Variants in MMAA observed in about 807,000 individuals in gnomAD.
The protein encoded by MMAA is methylmalonic aciduria type A protein, mitochondrial.
MMAA carries 41 observed loss-of-function variants against 45.0 expected under a neutral mutation model. The ratio of observed to expected loss-of-function variants is 0.91; its 90% confidence interval spans 0.71 to 1.18. MMAA has a LOEUF of 1.18. Ranked by LOEUF, MMAA falls within the 50% of genes most tolerant of loss-of-function variation. MMAA has a pLI of 0.00. For missense variants in MMAA, 460 were observed against 495.7 expected (o/e 0.93, Z 0.68); for synonymous variants, 154 against 178.2 (o/e 0.86, Z 1.08).
chr4:145,637,710 A>G (rs1340927290), intron 1 of MMAA, among the ~76,000 whole-genome samples: 1 of 152,244 alleles, frequency 6.6e-6, no homozygotes, highest in African/African-American at 2.4e-5. Flanking sequence ...GGTGAGTTAT[A>G]TATAACTGTA....
intron 3 of MMAA, among the ~76,000 whole-genome samples, chr4:145,644,639 A>G (rs952330878): frequency 2.0e-5 from 3 of 152,238 alleles, no homozygotes; most frequent in East Asian, 1.9e-4. Flanking sequence ...TTATACTACA[A>G]TGAAAACAAA....
At position 145,656,399 on chromosome 4, in the gene MMAA, C is replaced by A. The variant is rs1233482437; in HGVS notation, c.*965C>A. ...GTATATTAGCTACATGAGCTAATCTCTTTAAGCTTCCATTTCCTCCCTGGT... is the reference window on the plus strand; with the variant it reads ...GTATATTAGCTACATGAGCTAATCTATTTAAGCTTCCATTTCCTCCCTGGT... On this transcript the variant is annotated 3_prime_UTR_variant, in exon 7 of 7. Coordinates refer to ENST00000649156, the MANE Select transcript of MMAA (RefSeq NM_172250.3). The A allele has an allele frequency of 1.3e-5, 2 of 152,136 alleles. No homozygotes were observed. The highest frequency in any genetic ancestry group is 3.8e-4 in the East Asian group (2 of 5,202). 9.4% of individuals were successfully genotyped at this position (152,136 alleles called of 1,614,324 possible). A position where few individuals can be genotyped will look rare whatever the true frequency, so the allele number is the denominator to read the frequency against.
At chr4:145,628,996 T>C (rs1734263970) in intron 1 of MMAA, among the ~76,000 whole-genome samples, 1 of 152,218 alleles carries the variant, frequency 6.6e-6, no homozygotes, top group Non-Finnish European at 1.5e-5. Context: ...GTCTCGTGGA[T>C]TTAAATGACA....
At chr4:145,642,193 A>T (rs763966985) in intron 2 of MMAA, 170 bp from the exon 3 acceptor site, 39 of 754,434 alleles carry the variant, frequency 5.2e-5, no homozygotes, top group Non-Finnish European at 8.1e-5. Flanking sequence ...TTACTCAGGA[A>T]TTAAAGAAAC....
intron 1 of MMAA, among the ~76,000 whole-genome samples, chr4:145,631,362 C>G (rs565124412): frequency 7.1e-4 from 108 of 152,264 alleles, no homozygotes; most frequent in Non-Finnish European, 1.4e-3. Flanking sequence ...ATTGTTATAT[C>G]CTCTTGCTGA....
chr4:145,624,507 A>G (rs543228888), intron 1 of MMAA: 8 of 1,032,210 alleles, frequency 7.8e-6, no homozygotes, highest in Non-Finnish European at 1.2e-5. Context: ...TGGGGGCCTG[A>G]TAAGCCACTC....
At chr4:145,654,851 A>G (rs1415828752) in intron 6 of MMAA, among the ~76,000 whole-genome samples, 1 of 152,336 alleles carries the variant, frequency 6.6e-6, no homozygotes, top group African/African-American at 2.4e-5. Context: ...CAAGTCCTCT[A>G]TGATGCCCCT....
chr4:145,655,721 C>A lies in MMAA; in HGVS notation c.*287C>A. ...TCTTAATAGTCAAGAACAGAGAAAG[C>A]TGAGGAGAGCAGAAAATATCTTGCA... On this transcript the variant is annotated 3_prime_UTR_variant, in exon 7 of 7. Coordinates refer to ENST00000649156, the MANE Select transcript of MMAA (RefSeq NM_172250.3). 3.9e-6 allele frequency: 1 copy of A among 256,242 alleles called. No homozygotes were observed. The highest frequency in any genetic ancestry group is 7.4e-6 in the Non-Finnish European group (1 of 135,310). The allele number at this position is 256,242 out of a possible 1,614,324, so 15.9% of individuals were successfully genotyped here.
At position 145,624,113 on chromosome 4, in the gene MMAA, A is replaced by T. The variant is rs1408614793; in HGVS notation, c.-66+4706A>T. 2.7e-6 allele frequency: 3 copies of T among 1,118,686 alleles called. No homozygotes were observed. The African/African-American group carries it at 4.6e-5, about 17-fold the overall frequency. The allele number at this position is 1,118,686 out of a possible 1,614,324, so 69.3% of individuals were successfully genotyped here. A position where few individuals can be genotyped will look rare whatever the true frequency, so the allele number is the denominator to read the frequency against. ...GCAAGCCACAGTCACTCAGCTCATG[A>T]TGTGTGATAATCAGCAGAAAGGCTG... On this transcript the variant is annotated intron_variant, in intron 1 of 6. Coordinates refer to ENST00000649156, the MANE Select transcript of MMAA (RefSeq NM_172250.3).
At chr4:145,636,293 C>A (rs1727606215) in intron 1 of MMAA, among the ~76,000 whole-genome samples, 1 of 152,196 alleles carries the variant, frequency 6.6e-6, no homozygotes, top group Non-Finnish European at 1.5e-5. Context: ...TAATACCTTG[C>A]CTCAGTCTAG....
At chr4:145,638,018 GT>G (rs1194179736) in intron 1 of MMAA, among the ~76,000 whole-genome samples, 22 of 152,150 alleles carry the variant, frequency 1.4e-4, no homozygotes, top group South Asian at 2.1e-4. Flanking sequence ...GGCATACCAT[GT>G]CAACTTTCAT....
rs1336785818 is a variant in MMAA, at chr4:145,639,119, C to G, written c.-21C>G. ...AGCCAAAACGCATCCAGTGTTTTCT[C>G]CAGTTACAAATAAAACGAATATGCC... is the stretch of plus-strand genomic sequence containing the variant. On this transcript the variant is annotated 5_prime_UTR_variant, in exon 2 of 7. Coordinates refer to ENST00000649156, the MANE Select transcript of MMAA (RefSeq NM_172250.3). 1 of 1,613,222 alleles carries G rather than the reference C, an allele frequency of 6.2e-7. No individual in the cohort carries two copies. Among genetic ancestry groups the G allele is most frequent in the Admixed American group, 1.7e-5 (1 of 60,026 alleles).
chr4:145,638,712 G>A (rs1727692949), intron 1 of MMAA, among the ~76,000 whole-genome samples: 1 of 152,064 alleles, frequency 6.6e-6, no homozygotes, highest in Non-Finnish European at 1.5e-5. Context: ...TTTTGTATGA[G>A]CTTCAGAATC....
intron 1 of MMAA, among the ~76,000 whole-genome samples, chr4:145,623,378 A>C (rs143930325): frequency 6.6e-6 from 1 of 152,212 alleles, no homozygotes; most frequent in South Asian, 2.1e-4. Context: ...TTTGAACCCC[A>C]CAGGTGTGTA....
chr4:145,652,769 A>G (rs1728133093), intron 5 of MMAA, among the ~76,000 whole-genome samples: 1 of 152,050 alleles, frequency 6.6e-6, no homozygotes, highest in Non-Finnish European at 1.5e-5. Flanking sequence ...GTATAGCCCC[A>G]GGCACCTCCC....
At chr4:145,633,037 A>G (rs1451983035) in intron 1 of MMAA, among the ~76,000 whole-genome samples, 1 of 151,542 alleles carries the variant, frequency 6.6e-6, no homozygotes, top group African/African-American at 2.4e-5. Flanking sequence ...ATGGGCCATC[A>G]TGCCTGGCCC....
At chr4:145,651,488 A>G (rs1728088174) in intron 5 of MMAA, among the ~76,000 whole-genome samples, 1 of 152,200 alleles carries the variant, frequency 6.6e-6, no homozygotes, top group African/African-American at 2.4e-5. Context: ...GGATCCCACT[A>G]TCATAGTTTA....
chr4:145,623,057 A>G (rs555081555), intron 1 of MMAA, among the ~76,000 whole-genome samples: 1 of 152,394 alleles, frequency 6.6e-6, no homozygotes, highest in South Asian at 2.1e-4. Flanking sequence ...TCTTACAGAG[A>G]CATTTTAAAG....
intron 1 of MMAA, among the ~76,000 whole-genome samples, chr4:145,631,092 C>G (rs958324417): frequency 1.3e-5 from 2 of 152,174 alleles, no homozygotes; most frequent in Non-Finnish European, 2.9e-5. Flanking sequence ...TGAGAATGAT[C>G]CATGTACCAA....
Sources: allele counts gnomAD v4.1 joint callset (sites outside exome capture counted in the v4.1 genomes callset), GRCh38; gene constraint gnomAD v4.1.1; transcripts MANE v1.5; gene names NCBI Gene and HGNC (gene_info 2026-07-23, HGNC 2026-07-21).